KCND3: variants seen among roughly 807,000 people sequenced by gnomAD.
The protein encoded by KCND3 is A-type voltage-gated potassium channel KCND3.
In KCND3, 9 loss-of-function variants were observed where a neutral mutation model predicts 51.1. That is an observed-to-expected ratio of 0.18 (90% confidence interval 0.11 to 0.31). The LOEUF (loss-of-function observed/expected upper bound fraction) is 0.31. KCND3 is among the 10% of genes least tolerant of loss of function. The pLI is 1.00. For missense variants in KCND3, 526 were observed against 903.8 expected, an observed-to-expected ratio of 0.58 and a Z score of 5.36; for synonymous variants, 349 against 368.0, an observed-to-expected ratio of 0.95 and a Z score of 0.59.
At chr1:111,833,792 G>A (rs1666954639) in intron 2 of KCND3, among the ~76,000 whole-genome samples, 1 of 152,132 alleles carries the variant, frequency 6.6e-6, no homozygotes, top group African/African-American at 2.4e-5. Context: ...AGATATTCAA[G>A]GAAGGTGGTG....
chr1:111,852,783 G>A (rs919224718), intron 2 of KCND3, among the ~76,000 whole-genome samples: 20 of 152,288 alleles, frequency 1.3e-4, no homozygotes, highest in African/African-American at 4.3e-4. Context: ...TCACTGAGTC[G>A]TACCACTTAG....
intron 2 of KCND3, among the ~76,000 whole-genome samples, chr1:111,955,850 T>C (rs541635978): frequency 2.0e-5 from 3 of 152,292 alleles, no homozygotes; most frequent in South Asian, 4.1e-4. Flanking sequence ...AGGACGCCAT[T>C]TCTGCCTTCG....
rs528458471 is a variant in KCND3 at position 111,772,549 on chromosome 1, A to G, written c.*3528T>C. On this transcript the variant is annotated 3_prime_UTR_variant, in exon 8 of 8. Coordinates refer to ENST00000302127, the MANE Select transcript of KCND3 (RefSeq NM_001378969.1). ...GTGTGGTAGAAAATGCATTAGACTA[A>G]TAGCCAAAAGACTCGTGTTCTGGTC... 1.3e-5 allele frequency: 2 copies of G among 152,368 alleles called. No homozygotes were observed. The highest frequency in any genetic ancestry group is 4.1e-4 in the South Asian group (2 of 4,832). 9.4% of individuals were successfully genotyped at this position (152,368 alleles called of 1,614,324 possible).
intron 2 of KCND3, among the ~76,000 whole-genome samples, chr1:111,907,494 C>T (rs1207662511): frequency 2.0e-5 from 3 of 152,186 alleles, no homozygotes; most frequent in Non-Finnish European, 4.4e-5. Flanking sequence ...TGGAGACCAA[C>T]CCACAACCAT....
At chr1:111,840,504 T>A (rs1324501864) in intron 2 of KCND3, among the ~76,000 whole-genome samples, 1 of 150,024 alleles carries the variant, frequency 6.7e-6, no homozygotes, top group Admixed American at 6.7e-5. Context: ...TTTTTTTTTT[T>A]AATGGGGGAA....
intron 2 of KCND3, among the ~76,000 whole-genome samples, chr1:111,819,249 T>A (rs1666242771): frequency 6.6e-6 from 1 of 152,128 alleles, no homozygotes; most frequent in South Asian, 2.1e-4. Flanking sequence ...CTGCTTCAGC[T>A]TTTGCATTTG....
Position 111,981,743 on chromosome 1 carries a change from G to A in KCND3, c.984C>T (p.Leu328=). ...ASELGFLLFS[L]TMAIIIFATV... ...TGGCAAAGATGATGATGGCCATGGT[G>A]AGGGAGAAGAGAAGAAAGCCCAGTT... Residue 328 remains leucine, a synonymous_variant, in exon 2 of 8, where the codon CTC becomes CTT. Coordinates refer to ENST00000302127, the MANE Select transcript of KCND3 (RefSeq NM_001378969.1). This position sits in a 1 kb window ranked among gnomAD's most constrained non-coding sequence, Gnocchi z 6.2. 2 of 1,614,166 alleles carry A rather than the reference G, an allele frequency of 1.2e-6. No individual in the cohort carries two copies. Among genetic ancestry groups the A allele is most frequent in the South Asian group, 1.1e-5 (1 of 91,080 alleles).
intron 2 of KCND3, among the ~76,000 whole-genome samples, chr1:111,858,018 G>C (rs1344139741): frequency 1.3e-5 from 2 of 152,150 alleles, no homozygotes; most frequent in Non-Finnish European, 2.9e-5. Context: ...CATTAGGACA[G>C]GAAACTGATA....
intron 2 of KCND3, among the ~76,000 whole-genome samples, chr1:111,831,382 T>A (rs1309747384): frequency 2.6e-5 from 4 of 152,120 alleles, no homozygotes; most frequent in Non-Finnish European, 5.9e-5. Context: ...TCTCAGGAGA[T>A]CTGGTTGTTT....
At chr1:111,976,070 G>A (rs769259759) in intron 2 of KCND3, among the ~76,000 whole-genome samples, 5 of 152,150 alleles carry the variant, frequency 3.3e-5, no homozygotes, top group African/African-American at 4.8e-5. Context: ...ATTTGCTGTT[G>A]GGTGCTGTCC....
chr1:111,915,071 G>A (rs944944615), intron 2 of KCND3, among the ~76,000 whole-genome samples: 10 of 152,144 alleles, frequency 6.6e-5, no homozygotes, highest in African/African-American at 2.4e-4. Context: ...ATTTTGATAT[G>A]CTAAAATGTA....
At chr1:111,880,062 G>C (rs1669233462) in intron 2 of KCND3, among the ~76,000 whole-genome samples, 1 of 152,306 alleles carries the variant, frequency 6.6e-6, no homozygotes, top group East Asian at 1.9e-4. Context: ...GTAGTGAATG[G>C]TTAACCTATA....
chr1:111,894,298 C>T (rs1052852398), intron 2 of KCND3, among the ~76,000 whole-genome samples: 1 of 152,154 alleles, frequency 6.6e-6, no homozygotes, highest in Non-Finnish European at 1.5e-5. Context: ...TCCTCTCCCC[C>T]TAGAATGCTC....
At position 111,771,839 on chromosome 1, in the gene KCND3, C is replaced by T. The variant is rs529278143; in HGVS notation, c.*4238G>A. 6.6e-6 allele frequency: 1 copy of T among 152,190 alleles called. No homozygotes were observed. Among genetic ancestry groups the T allele is most frequent in the South Asian group, 2.1e-4 (1 of 4,822 alleles). The allele number at this position is 152,190 out of a possible 1,614,324, so 9.4% of individuals were successfully genotyped here. On this transcript the variant is annotated 3_prime_UTR_variant, in exon 8 of 8. Coordinates refer to ENST00000302127, the MANE Select transcript of KCND3 (RefSeq NM_001378969.1). ...ATCTATTGGTCTTTTGAAAGGGAGT[C>T]TATGCAGTTAGTCCTGAGCTTGGCA... is the stretch of plus-strand genomic sequence containing the variant.
At position 111,775,819 on chromosome 1, in the gene KCND3, A is replaced by ACCCCCCCCCCCCCCCCCCCCC. The variant is rs72548738; in HGVS notation, c.*257_*258insGGGGGGGGGGGGGGGGGGGGG. On this transcript the variant is annotated 3_prime_UTR_variant, in exon 8 of 8. Coordinates refer to ENST00000302127, the MANE Select transcript of KCND3 (RefSeq NM_001378969.1). The stretch of plus-strand genomic sequence containing the variant: ...GCCTATATCCCCCGGCCTATCCCCG[A>ACCCCCCCCCCCCCCCCCCCCC]CCCCCCCACCCTCCCTCCCTTCCTC... 7.1e-5 allele frequency: 7 copies of ACCCCCCCCCCCCCCCCCCCCC among 98,392 alleles called. 1 individual carries two copies. Among genetic ancestry groups the ACCCCCCCCCCCCCCCCCCCCC allele is most frequent in the South Asian group, 1.9e-4 (1 of 5,216 alleles). 6.1% of individuals were successfully genotyped at this position (98,392 alleles called of 1,614,324 possible). A position where few individuals can be genotyped will look rare whatever the true frequency, so the allele number is the denominator to read the frequency against.
intron 2 of KCND3, among the ~76,000 whole-genome samples, chr1:111,887,481 G>A (rs2101752658): frequency 6.6e-6 from 1 of 152,258 alleles, no homozygotes; most frequent in East Asian, 1.9e-4. Flanking sequence ...ACCTCCTCTG[G>A]GGCCCAGCTG....
intron 2 of KCND3, among the ~76,000 whole-genome samples, chr1:111,819,705 C>T (rs889573578): frequency 9.2e-5 from 14 of 152,134 alleles, no homozygotes; most frequent in African/African-American, 3.4e-4. Context: ...AGCTCACAGG[C>T]CTGCTTGTGT....
chr1:111,776,856 T>C (rs1664138054), intron 7 of KCND3, among the ~76,000 whole-genome samples, 170 bp downstream of exon 7: 2 of 152,076 alleles, frequency 1.3e-5, no homozygotes, highest in Admixed American at 1.3e-4. Flanking sequence ...CAACAGCATA[T>C]GAAGGGCCTT....
At chr1:111,907,313 A>G (rs1315862420) in intron 2 of KCND3, among the ~76,000 whole-genome samples, 1 of 152,276 alleles carries the variant, frequency 6.6e-6, no homozygotes, top group African/African-American at 2.4e-5. Flanking sequence ...TCCTATTGGT[A>G]TTCACATCTT....
Sources: allele counts gnomAD v4.1 joint callset (sites outside exome capture counted in the v4.1 genomes callset), GRCh38; gene constraint gnomAD v4.1.1; non-coding constraint Gnocchi (gnomAD v3.1); transcripts MANE v1.5; gene names NCBI Gene and HGNC (gene_info 2026-07-23, HGNC 2026-07-21).